The following ITGA4 variants were observed in gnomAD, a reference collection of about 807,000 sequenced individuals.
The protein encoded by ITGA4 is integrin subunit alpha 4, also known as integrin alpha-4.
Under a neutral mutation model 133.6 loss-of-function variants are expected in ITGA4, and 63 were observed. The observed-to-expected ratio is 0.47, with a 90% confidence interval of 0.38 to 0.58. The LOEUF (loss-of-function observed/expected upper bound fraction) is 0.58. Ranked by LOEUF, ITGA4 falls within the 20% of genes least tolerant of loss-of-function variation. The probability of loss-of-function intolerance (pLI) is 0.00; values close to 1 mark genes in which losing one functional copy is unlikely to be tolerated. For synonymous variants in ITGA4, 483 were observed against 438.0 expected (o/e 1.10, Z -1.28); for missense variants, 1,076 against 1,252.7 (o/e 0.86, Z 2.13).
intron 10 of ITGA4, among the ~76,000 whole-genome samples, chr2:181,491,074 A>C (rs1292622428): frequency 6.6e-6 from 1 of 152,230 alleles, no homozygotes; most frequent in Non-Finnish European, 1.5e-5. Context: ...GTAATCCAGG[A>C]AGAGTCTGAA....
intron 6 of ITGA4, 97 bp from the exon 7 acceptor site, chr2:181,481,501 T>G: frequency 2.0e-6 from 1 of 493,292 alleles, no homozygotes. Context: ...GTAGTGATTT[T>G]GAATTCGGTA....
chr2:181,531,590 T>C lies in ITGA4; in HGVS notation c.2665-67T>C, dbSNP rs1020823022. The C allele has an allele frequency of 6.7e-5, 57 of 851,248 alleles. No homozygotes were observed. The African/African-American group carries it at 8.3e-4, about 12-fold the overall frequency. 52.7% of individuals were successfully genotyped at this position (851,248 alleles called of 1,614,324 possible). On this transcript the variant is annotated intron_variant, in intron 24 of 27. Transcript: ENST00000397033. ...ATTAGAGTATATATTAAATTCTATA[T>C]AAAATATTTTAAAAATATTTTCCAA...
chr2:181,461,057 CTG>C (rs1434902405), intron 2 of ITGA4, among the ~76,000 whole-genome samples: 3 of 151,614 alleles, frequency 2.0e-5, no homozygotes, highest in East Asian at 1.9e-4. Flanking sequence ...CTTTGAGTCT[CTG>C]TAGAATTTCA....
In ITGA4 at chr2:181,492,633, G is replaced by C. The variant is rs183230149; in HGVS notation, c.1154-692G>C. On this transcript the variant is annotated intron_variant, in intron 10 of 27. Coordinates refer to ENST00000397033, the MANE Select transcript of ITGA4 (RefSeq NM_000885.6). ...CATTTACTCAGGTTTTCTTATATTAGTTGATCAGATCTTTTTTCCCTTGGT... is the reference window on the plus strand; with the variant it reads ...CATTTACTCAGGTTTTCTTATATTACTTGATCAGATCTTTTTTCCCTTGGT... Among the ~76,000 whole-genome samples the C allele has an allele frequency of 1.2e-3, 176 of 152,192 alleles. 2 individuals are homozygous for C. The highest frequency in any genetic ancestry group is 4.3e-4 in the Non-Finnish European group (29 of 67,992).
chr2:181,523,569 A>G lies in ITGA4; in HGVS notation c.2169+37A>G, dbSNP rs1267384334. ...ATATTTATGGCTTTTGTTCACTATC[A>G]TGAATATTTTTTTCTATTCTTCCCT... On this transcript the variant is annotated intron_variant, in intron 19 of 27. Coordinates refer to ENST00000397033, the MANE Select transcript of ITGA4 (RefSeq NM_000885.6). The surrounding 1 kb of genome is among the most constrained non-coding windows in gnomAD (Gnocchi z 4.2). 1 of 1,141,934 alleles carries G rather than the reference A, an allele frequency of 8.8e-7. No homozygotes were observed. Among genetic ancestry groups the G allele is most frequent in the Non-Finnish European group, 1.3e-6 (1 of 760,286 alleles). 70.7% of individuals were successfully genotyped at this position (1,141,934 alleles called of 1,614,324 possible).
At chr2:181,529,405 T>C (rs1391419649) in intron 22 of ITGA4, 136 bp from the exon 23 acceptor site, 4 of 449,392 alleles carry the variant, frequency 8.9e-6, no homozygotes, top group East Asian at 3.5e-5. Flanking sequence ...CCCTTTGTTA[T>C]GCAGCTGCCA....
rs1372022945 is a variant in ITGA4, at chr2:181,457,609, T to C, written c.-46T>C. On this transcript the variant is annotated 5_prime_UTR_variant, in exon 1 of 28. Transcript: ENST00000397033. ...GCCAACCGTCGCATCCCGTGCAACT[T>C]TGGGGTAGTGGCCGTTTAGTGTTGA... 6.4e-7 allele frequency: 1 copy of C among 1,555,876 alleles called. No individual in the cohort carries two copies. The highest frequency in any genetic ancestry group is 8.7e-7 in the Non-Finnish European group (1 of 1,144,782).
chr2:181,506,445 A>G (rs565010983), intron 15 of ITGA4, among the ~76,000 whole-genome samples: 1 of 152,170 alleles, frequency 6.6e-6, no homozygotes, highest in Admixed American at 6.6e-5. Context: ...AAATTAAGAA[A>G]CTTGTCCAAT....
At chr2:181,480,062 A>G (rs942360083) in intron 5 of ITGA4, 75 bp from the exon 6 acceptor site, 36 of 984,280 alleles carry the variant, frequency 3.7e-5, no homozygotes, top group Middle Eastern at 3.0e-4. Flanking sequence ...TGTTCTCTTC[A>G]CTATCGTGTA....
At chr2:181,460,276 G>C (rs1265016435) in intron 2 of ITGA4, among the ~76,000 whole-genome samples, 1 of 152,154 alleles carries the variant, frequency 6.6e-6, no homozygotes, top group African/African-American at 2.4e-5. Context: ...GTAATGCCTT[G>C]AGTATTTGCC....
Position 181,523,389 on chromosome 2 carries a change from T to C in ITGA4, c.2074-48T>C. 8.7e-7 allele frequency: 1 copy of C among 1,143,596 alleles called. No individual in the cohort carries two copies. The allele number at this position is 1,143,596 out of a possible 1,614,324, so 70.8% of individuals were successfully genotyped here. ...CCATCCTTAAACATATGTTACAAAC[T>C]TTTTATTTCCTTCCTGTCCAAAACA... On this transcript the variant is annotated intron_variant, in intron 18 of 27. Transcript: ENST00000397033. The surrounding 1 kb of genome is among the most constrained non-coding windows in gnomAD (Gnocchi z 4.2).
At chr2:181,496,716 T>C (rs1686165810) in intron 14 of ITGA4, among the ~76,000 whole-genome samples, 1 of 152,194 alleles carries the variant, frequency 6.6e-6, no homozygotes, top group Non-Finnish European at 1.5e-5. Flanking sequence ...TTTAGGCTAA[T>C]ATAAGAATAA....
At chr2:181,465,791 G>A (rs1202442179) in intron 2 of ITGA4, among the ~76,000 whole-genome samples, 3 of 152,126 alleles carry the variant, frequency 2.0e-5, no homozygotes, top group African/African-American at 7.2e-5. Flanking sequence ...GTGGTTGATA[G>A]TGTGAGTTTT....
At chr2:181,529,923 A>G (rs1406960228) in intron 23 of ITGA4, among the ~76,000 whole-genome samples, 1 of 152,236 alleles carries the variant, frequency 6.6e-6, no homozygotes, top group African/African-American at 2.4e-5. Context: ...ATTTTAAGAT[A>G]CATTGTTGTG....
chr2:181,493,237 A>T (rs988587069), intron 10 of ITGA4, 88 bp from the exon 11 acceptor site: 5 of 755,842 alleles, frequency 6.6e-6, no homozygotes. Context: ...TTCTTATGTG[A>T]TATGAATTAA....
At chr2:181,505,167 T>C (rs1686368627) in intron 15 of ITGA4, among the ~76,000 whole-genome samples, 1 of 152,088 alleles carries the variant, frequency 6.6e-6, no homozygotes, top group Non-Finnish European at 1.5e-5. Context: ...ACACTGTCTA[T>C]GTGGATTTGT....
At chr2:181,528,294 T>A (rs993659684) in intron 22 of ITGA4, among the ~76,000 whole-genome samples, 2 of 152,190 alleles carry the variant, frequency 1.3e-5, no homozygotes, top group Non-Finnish European at 2.9e-5. Flanking sequence ...TGTTGAAAAA[T>A]TTTAGTTCTC....
intron 6 of ITGA4, among the ~76,000 whole-genome samples, chr2:181,481,296 T>G (rs189438725): frequency 1.3e-5 from 2 of 152,322 alleles, no homozygotes; most frequent in African/African-American, 4.8e-5. Flanking sequence ...ATATTTAATA[T>G]ACTCTAAAAT....
chr2:181,490,713 T>A lies in ITGA4; in HGVS notation c.1154-2612T>A, dbSNP rs541336727. Among the ~76,000 whole-genome samples the A allele has an allele frequency of 1.1e-4, 16 of 152,290 alleles. 1 individual carries two copies. In the South Asian group the frequency reaches 3.3e-3, roughly 32 times the overall value. On this transcript the variant is annotated intron_variant, in intron 10 of 27. Coordinates refer to ENST00000397033, the MANE Select transcript of ITGA4 (RefSeq NM_000885.6). Reference sequence around the variant, plus strand: ...TGGCTCTGTCACCTTGAGCAGGTTATACCTTGTGCCTCAGTTTCCTCATCT... The same window carrying A: ...TGGCTCTGTCACCTTGAGCAGGTTAAACCTTGTGCCTCAGTTTCCTCATCT...
Sources: allele counts gnomAD v4.1 joint callset (sites outside exome capture counted in the v4.1 genomes callset), GRCh38; gene constraint gnomAD v4.1.1; non-coding constraint Gnocchi (gnomAD v3.1); transcripts MANE v1.5; gene names NCBI Gene and HGNC (gene_info 2026-07-23, HGNC 2026-07-21).